Variants in CTNND2 observed in about 807,000 individuals in gnomAD.
CTNND2 encodes catenin delta 2.
A neutral mutation model predicts 144.4 loss-of-function variants in CTNND2; 22 were observed. That is an observed-to-expected ratio of 0.15 (90% CI 0.11 to 0.22). CTNND2 has a LOEUF of 0.22. Ranked by LOEUF, CTNND2 falls within the 10% of genes least tolerant of loss-of-function variation. CTNND2 has a pLI of 1.00. For synonymous variants in CTNND2, 751 were observed against 695.6 expected (o/e 1.08, Z -1.25); for missense variants, 1,353 against 1,618.8 (o/e 0.84, Z 2.82).
chr5:11,712,404 G>A (rs71599581), intron 2 of CTNND2, among the ~76,000 whole-genome samples: 16,742 of 151,994 alleles, frequency 0.11, 1,195 homozygotes, highest in African/African-American at 0.19. Flanking sequence ...TCTCTCTGAA[G>A]TTTCACAGTC....
intron 18 of CTNND2, among the ~76,000 whole-genome samples, chr5:10,999,907 C>T (rs555545975): frequency 1.3e-5 from 2 of 152,204 alleles, no homozygotes; most frequent in Non-Finnish European, 2.9e-5. Context: ...AAGCTACAAT[C>T]GTCCATACGG....
chr5:11,011,759 A>G (rs1741112273), intron 18 of CTNND2, among the ~76,000 whole-genome samples: 1 of 152,188 alleles, frequency 6.6e-6, no homozygotes. Flanking sequence ...GCACGGAAGC[A>G]TGCAGGTAGC....
rs547516137 is a variant in CTNND2 at position 11,086,242 on chromosome 5, G to T, written c.2638-3396C>A. 1.8e-4 allele frequency among the ~76,000 whole-genome samples: 27 copies of T among 152,226 alleles called. No homozygotes were observed. In the East Asian group the frequency reaches 5.0e-3, roughly 28 times the overall value. ...GGGGAGCTCAAAAGGGATGGAGGCAGGTGTGGGCCAAGACAGGACCCTGGA... is the reference window on the plus strand; with the variant it reads ...GGGGAGCTCAAAAGGGATGGAGGCATGTGTGGGCCAAGACAGGACCCTGGA... On this transcript the variant is annotated intron_variant, in intron 15 of 21. Coordinates refer to ENST00000304623, the MANE Select transcript of CTNND2 (RefSeq NM_001332.4).
At chr5:11,807,977 T>G (rs1019426940) in intron 1 of CTNND2, among the ~76,000 whole-genome samples, 1 of 152,168 alleles carries the variant, frequency 6.6e-6, no homozygotes, top group African/African-American at 2.4e-5. Context: ...ATATAGTCTA[T>G]CAGTAATAGT....
intron 9 of CTNND2, among the ~76,000 whole-genome samples, chr5:11,326,389 T>C (rs989788121): frequency 2.0e-5 from 3 of 152,136 alleles, no homozygotes; most frequent in Admixed American, 2.0e-4. Flanking sequence ...GTGGGATTAC[T>C]GTGAGAGGGA....
At chr5:11,236,967 C>T (rs1741706826) in intron 9 of CTNND2, 144 bp from the exon 10 acceptor site, 1 of 770,796 alleles carries the variant, frequency 1.3e-6, no homozygotes, top group Non-Finnish European at 2.1e-6. Context: ...TACATGCAGA[C>T]CCATTTAAGG....
intron 11 of CTNND2, among the ~76,000 whole-genome samples, chr5:11,187,036 C>T (rs571556266): frequency 4.5e-4 from 68 of 152,206 alleles, no homozygotes; most frequent in Admixed American, 1.4e-3. Flanking sequence ...GCAGAGAATA[C>T]CTGGATTCTC....
intron 9 of CTNND2, among the ~76,000 whole-genome samples, chr5:11,341,780 G>A (rs1439128503): frequency 6.6e-6 from 1 of 152,194 alleles, no homozygotes; most frequent in African/African-American, 2.4e-5. Context: ...GGCCAAGGCA[G>A]GAGGATCACT....
chr5:10,994,256 T>G (rs930135245), intron 18 of CTNND2, among the ~76,000 whole-genome samples: 98 of 38,378 alleles, frequency 2.6e-3, no homozygotes, highest in South Asian at 6.7e-3. Context: ...AGGAGCGGGG[T>G]GGGGGGAGAT....
intron 11 of CTNND2, among the ~76,000 whole-genome samples, chr5:11,186,897 C>T (rs1735684137): frequency 6.6e-6 from 1 of 152,208 alleles, no homozygotes; most frequent in Admixed American, 6.5e-5. Flanking sequence ...ATGCCCCTTA[C>T]ATCCAACCTC....
intron 1 of CTNND2, among the ~76,000 whole-genome samples, chr5:11,749,609 T>C (rs916640153): frequency 1.3e-5 from 2 of 152,014 alleles, no homozygotes; most frequent in African/African-American, 4.8e-5. Context: ...AGAGTAATCA[T>C]GATTTCACAG....
intron 9 of CTNND2, among the ~76,000 whole-genome samples, chr5:11,261,791 T>C (rs1230568387): frequency 2.6e-5 from 4 of 152,250 alleles, no homozygotes; most frequent in Non-Finnish European, 4.4e-5. Flanking sequence ...TAATGGATTT[T>C]GCAGCTTTTA....
At chr5:10,991,868 A>C (rs1194761612) in intron 19 of CTNND2, among the ~76,000 whole-genome samples, 2 of 152,220 alleles carry the variant, frequency 1.3e-5, no homozygotes, top group African/African-American at 4.8e-5. Context: ...GGTCTCCTCA[A>C]CTTTTTATCC....
chr5:11,520,323 G>A (rs1325819134), intron 3 of CTNND2, among the ~76,000 whole-genome samples: 1 of 152,072 alleles, frequency 6.6e-6, no homozygotes, highest in Non-Finnish European at 1.5e-5. Context: ...TCACAGCCCT[G>A]CCACCAGGAA....
intron 1 of CTNND2, among the ~76,000 whole-genome samples, chr5:11,753,435 T>C (rs1788735504): frequency 2.0e-5 from 3 of 151,778 alleles, no homozygotes; most frequent in Admixed American, 2.0e-4. Flanking sequence ...GATAATTAGG[T>C]TTCATGTTTT....
At chr5:11,627,325 AG>A (rs1781208665) in intron 2 of CTNND2, among the ~76,000 whole-genome samples, 1 of 152,180 alleles carries the variant, frequency 6.6e-6, no homozygotes, top group African/African-American at 2.4e-5. Flanking sequence ...ATCCAGGTGG[AG>A]TTACCAGCAG....
intron 9 of CTNND2, among the ~76,000 whole-genome samples, chr5:11,276,909 T>C (rs573651841): frequency 1.1e-3 from 173 of 152,304 alleles, no homozygotes; most frequent in African/African-American, 3.9e-3. Flanking sequence ...GAAAGGATTA[T>C]CCCCTAGAGC....
intron 5 of CTNND2, among the ~76,000 whole-genome samples, chr5:11,402,769 T>C (rs1276100159): frequency 6.6e-6 from 1 of 152,222 alleles, no homozygotes; most frequent in Non-Finnish European, 1.5e-5. Context: ...GCAGGTGTGT[T>C]TATAAATATC....
chr5:11,795,652 G>C (rs1310939191), intron 1 of CTNND2, among the ~76,000 whole-genome samples: 1 of 152,212 alleles, frequency 6.6e-6, no homozygotes, highest in Non-Finnish European at 1.5e-5. Flanking sequence ...AGACACAGTG[G>C]CTGATGGCCC....
Sources: gnomAD v4.1 joint callset for allele counts (sites outside exome capture counted in the v4.1 genomes callset) on GRCh38, gnomAD v4.1.1 for gene constraint, MANE v1.5 for transcripts, NCBI Gene and HGNC (gene_info 2026-07-23, HGNC 2026-07-21) for gene names.